Variants in SPIDR observed in about 807,000 individuals in gnomAD.
SPIDR encodes the protein scaffold protein involved in DNA repair, also known as DNA repair-scaffolding protein.
SPIDR carries 93 observed loss-of-function variants against 104.6 expected under a neutral mutation model. The observed-to-expected ratio is 0.89, with a 90% CI of 0.75 to 1.06. SPIDR has a LOEUF of 1.06. SPIDR is among the 50% of genes least tolerant of loss of function. SPIDR has a pLI of 0.00. For synonymous variants in SPIDR, 431 were observed against 416.9 expected, an observed-to-expected ratio of 1.03 and a Z score of -0.41; for missense variants, 1,154 against 1,111.2, an observed-to-expected ratio of 1.04 and a Z score of -0.55.
intron 10 of SPIDR, among the ~76,000 whole-genome samples, chr8:47,628,088 T>C (rs2066478590): frequency 1.3e-5 from 2 of 152,204 alleles, no homozygotes; most frequent in African/African-American, 4.8e-5. Context: ...CTAGGTGCTA[T>C]TCAGATCCAT....
At chr8:47,293,770 T>C (rs969145990) in intron 4 of SPIDR, 97 bp from the exon 5 acceptor site, 10 of 1,274,516 alleles carry the variant, frequency 7.8e-6, no homozygotes, top group African/African-American at 1.5e-5. Flanking sequence ...TTTAAAATTA[T>C]TGAGTGACAT....
intron 1 of SPIDR, among the ~76,000 whole-genome samples, chr8:47,266,123 CTTT>C (rs2033941799): frequency 6.9e-6 from 1 of 145,184 alleles, no homozygotes; most frequent in Non-Finnish European, 1.5e-5. Context: ...TCAGTAGTTT[CTTT>C]GTCTTTTTTT....
At chr8:47,408,884 C>T (rs2063115391) in intron 7 of SPIDR, among the ~76,000 whole-genome samples, 1 of 152,082 alleles carries the variant, frequency 6.6e-6, no homozygotes, top group Admixed American at 6.6e-5. Flanking sequence ...TTTACAATAA[C>T]ATCAAAAAGA....
intron 19 of SPIDR, chr8:47,729,739 A>G (rs2084896475): frequency 2.1e-6 from 1 of 471,572 alleles, no homozygotes; most frequent in Non-Finnish European, 3.8e-6. Flanking sequence ...TTTTGTTTTT[A>G]GACAGAGTCT....
In SPIDR at chr8:47,278,755, A is replaced by G. The variant is rs1020068683; in HGVS notation, c.34-1107A>G. On this transcript the variant is annotated intron_variant, in intron 1 of 19. Transcript: ENST00000297423. ...CCTGAGTAGCTAGGACTACAGGTGC[A>G]TGCCACCACGCCTAGCTAATTGTTT... is the stretch of plus-strand genomic sequence containing the variant. Among the ~76,000 whole-genome samples, 112 of 152,238 alleles carry G rather than the reference A, an allele frequency of 7.4e-4. 1 individual carries two copies. The highest frequency in any genetic ancestry group is 2.5e-3 in the African/African-American group (102 of 41,546).
At chr8:47,418,906 A>G (rs946676051) in intron 7 of SPIDR, among the ~76,000 whole-genome samples, 1 of 152,142 alleles carries the variant, frequency 6.6e-6, no homozygotes, top group Non-Finnish European at 1.5e-5. Flanking sequence ...TTTTGTTTAT[A>G]TGCTGGGTTA....
chr8:47,712,663 TGAA>T lies in SPIDR; in HGVS notation c.1982_1984del (p.Lys661del), dbSNP rs770264883. On this transcript the variant is annotated inframe_deletion and splice_region_variant, in exon 15 of 20. Transcript: ENST00000297423. ...CTTTATTGTGTCTTCAAATTGTAGC[TGAA>T]GAGTCTGCTGCTTCTGGAGCAAAGG... The T allele has an allele frequency of 2.5e-6, 4 of 1,613,488 alleles. No homozygotes were observed. The highest frequency in any genetic ancestry group is 3.4e-6 in the Non-Finnish European group (4 of 1,179,772).
At chr8:47,327,771 C>G (rs1275032833) in intron 5 of SPIDR, among the ~76,000 whole-genome samples, 1 of 152,116 alleles carries the variant, frequency 6.6e-6, no homozygotes, top group Non-Finnish European at 1.5e-5. Context: ...CCATGTTGGC[C>G]AGGCTGATCT....
chr8:47,438,760 C>G (rs1554694204), intron 7 of SPIDR, among the ~76,000 whole-genome samples: 1 of 151,266 alleles, frequency 6.6e-6, no homozygotes, highest in Admixed American at 6.6e-5. Context: ...AATAGTTGTC[C>G]AAGACAGTGC....
At chr8:47,270,982 G>A (rs2035195843) in intron 1 of SPIDR, among the ~76,000 whole-genome samples, 1 of 152,132 alleles carries the variant, frequency 6.6e-6, no homozygotes, top group Non-Finnish European at 1.5e-5. Flanking sequence ...AACATGGTCT[G>A]TCGGAGAATG....
intron 8 of SPIDR, among the ~76,000 whole-genome samples, chr8:47,549,169 T>G (rs566077121): frequency 6.6e-6 from 1 of 152,260 alleles, no homozygotes; most frequent in African/African-American, 2.4e-5. Flanking sequence ...CAGTCTATCA[T>G]TGATGGACAT....
chr8:47,346,338 C>T (rs1485200747), intron 5 of SPIDR, among the ~76,000 whole-genome samples: 1 of 152,082 alleles, frequency 6.6e-6, no homozygotes, highest in Non-Finnish European at 1.5e-5. Context: ...GTGGTGGATA[C>T]GTTTTTTCAT....
At chr8:47,479,748 T>C (rs1451072382) in intron 8 of SPIDR, among the ~76,000 whole-genome samples, 2 of 152,150 alleles carry the variant, frequency 1.3e-5, no homozygotes, top group Non-Finnish European at 2.9e-5. Context: ...CACATTCTAG[T>C]GGAAAGTTCT....
At chr8:47,336,793 A>G (rs1350310044) in intron 5 of SPIDR, among the ~76,000 whole-genome samples, 7 of 152,220 alleles carry the variant, frequency 4.6e-5, no homozygotes, top group Non-Finnish European at 1.0e-4. Flanking sequence ...ATATATACCT[A>G]GAAGTCAAAT....
At chr8:47,398,772 A>T (rs1300121027) in intron 6 of SPIDR, among the ~76,000 whole-genome samples, 5 of 152,164 alleles carry the variant, frequency 3.3e-5, no homozygotes, top group African/African-American at 1.2e-4. Context: ...GGGCGAGAGG[A>T]GAACCTGTCC....
intron 5 of SPIDR, among the ~76,000 whole-genome samples, chr8:47,370,285 A>G (rs902979457): frequency 1.3e-5 from 2 of 152,102 alleles, no homozygotes; most frequent in Non-Finnish European, 2.9e-5. Context: ...AGGAGGCGCA[A>G]TGTTGATTTT....
rs575852345 is a variant in SPIDR, at chr8:47,454,136, C to G, written c.1097+13594C>G. ...GCCATCCCATTACTGGGTATATACC[C>G]AAAGGATTATAAATCATGCTGCTAT... On this transcript the variant is annotated intron_variant, in intron 8 of 19. Coordinates refer to ENST00000297423, the MANE Select transcript of SPIDR (RefSeq NM_001080394.4). Among the ~76,000 whole-genome samples, 176 of 152,212 alleles carry G rather than the reference C, an allele frequency of 1.2e-3. 2 individuals are homozygous for G. The Middle Eastern group carries it at 0.02, about 18-fold the overall frequency.
At chr8:47,449,265 A>C (rs2071256604) in intron 8 of SPIDR, among the ~76,000 whole-genome samples, 1 of 152,220 alleles carries the variant, frequency 6.6e-6, no homozygotes, top group Non-Finnish European at 1.5e-5. Context: ...CATGCCATGT[A>C]CTGAAATGGG....
At chr8:47,429,735 G>A (rs1384421472) in intron 7 of SPIDR, among the ~76,000 whole-genome samples, 1 of 151,182 alleles carries the variant, frequency 6.6e-6, no homozygotes, top group African/African-American at 2.4e-5. Context: ...CTGACAAAGG[G>A]TGACTTTGTT....
Sources: allele counts gnomAD v4.1 joint callset (sites outside exome capture counted in the v4.1 genomes callset), GRCh38; gene constraint gnomAD v4.1.1; transcripts MANE v1.5; gene names NCBI Gene and HGNC (gene_info 2026-07-23, HGNC 2026-07-21).